TNFRSF10D: variants seen among roughly 807,000 people sequenced by gnomAD.
TNFRSF10D encodes the protein TNF receptor superfamily member 10d, also known as tumor necrosis factor receptor superfamily member 10D.
In TNFRSF10D, 28 loss-of-function variants were observed where a neutral mutation model predicts 42.1. The observed-to-expected ratio is 0.66, with a 90% CI of 0.49 to 0.91. The LOEUF (loss-of-function observed/expected upper bound fraction) is 0.91. Among genes scored for constraint, TNFRSF10D ranks in the 40% least tolerant of loss-of-function variants. The probability of loss-of-function intolerance (pLI) is 0.00; values close to 1 mark genes in which losing one functional copy is unlikely to be tolerated. For synonymous variants in TNFRSF10D, 186 were observed against 189.4 expected (o/e 0.98, Z 0.15); for missense variants, 503 against 486.1 (o/e 1.03, Z -0.33).
At chr8:23,140,220 T>C (rs560661068) in intron 7 of TNFRSF10D, among the ~76,000 whole-genome samples, 1,611 of 151,362 alleles carry the variant, frequency 0.011, 16 homozygotes, top group African/African-American at 0.032. Flanking sequence ...ACCTGGGAGG[T>C]GGAGCTTGCA....
Position 23,144,606 on chromosome 8 carries a change from T to G in TNFRSF10D, c.798A>C (p.Ser266=), listed in dbSNP as rs1174403808. 6.2e-7 allele frequency: 1 copy of G among 1,613,894 alleles called. No individual in the cohort carries two copies. The highest frequency in any genetic ancestry group is 1.1e-5 in the South Asian group (1 of 91,068). Residue 266 remains serine (S), a synonymous_variant, in exon 7 of 9, where the codon TCA becomes TCC. Coordinates refer to ENST00000312584, the MANE Select transcript of TNFRSF10D (RefSeq NM_003840.5). ...CATTGTCCTCCGCCCCAGGAACTCGTGAAGGACATGAACGCCGCCGGAAAA... is the reference window on the plus strand; with the variant it reads ...CATTGTCCTCCGCCCCAGGAACTCGGGAAGGACATGAACGCCGCCGGAAAA... ...RVLFRRRSCP[S]RVPGAEDNAR... is the part of the protein sequence containing the mutation.
chr8:23,140,237 T>C (rs1018782307), intron 7 of TNFRSF10D, among the ~76,000 whole-genome samples: 16 of 151,610 alleles, frequency 1.1e-4, no homozygotes, highest in East Asian at 5.8e-4. Context: ...TGCAGTGAGC[T>C]GAGATCGCGC....
chr8:23,152,782 G>A (rs1401611107), intron 2 of TNFRSF10D, among the ~76,000 whole-genome samples: 925 of 152,166 alleles, frequency 6.1e-3, no homozygotes, highest in African/African-American at 0.019. Context: ...TTGCTTAATT[G>A]TTCATATGAC....
chr8:23,147,077 C>A lies in TNFRSF10D; in HGVS notation c.371-5G>T. The A allele has an allele frequency of 6.2e-7, 1 of 1,611,670 alleles. No individual in the cohort carries two copies. The highest frequency in any genetic ancestry group is 8.5e-7 in the Non-Finnish European group (1 of 1,177,914). ...AGGAACTTTTATTTGTTTGACCTGA[C>A]AACAGAGCATAAGGTTTTGAGAATG... is the stretch of plus-strand genomic sequence containing the variant. On this transcript the variant is annotated splice_polypyrimidine_tract_variant and splice_region_variant and intron_variant, in intron 3 of 8. Coordinates refer to ENST00000312584, the MANE Select transcript of TNFRSF10D (RefSeq NM_003840.5).
rs1251511565 is a variant in TNFRSF10D, at chr8:23,145,674, A to C, written c.730T>G (p.Cys244Gly). ...KKFISYLKGI[C>G]SGGGGGPERV... The stretch of plus-strand genomic sequence containing the variant: ...ACCCTCAGCCAGCACCTACCTGAGC[A>C]GATGCCTTTGAGGTAAGAAATGAAT... The change falls in exon 5 of 9, where the codon TGC (cysteine) becomes GGC (glycine). Residue 244 changes from cysteine (C) to glycine (G), a missense_variant. Cys to Gly is a radical substitution (Grantham distance 159, BLOSUM62 -3). Coordinates refer to ENST00000312584, the MANE Select transcript of TNFRSF10D (RefSeq NM_003840.5). The C allele has an allele frequency of 6.2e-7, 1 of 1,613,990 alleles. No homozygotes were observed. The highest frequency in any genetic ancestry group is 1.3e-5 in the African/African-American group (1 of 74,942).
Position 23,137,928 on chromosome 8 carries a change from C to T in TNFRSF10D, c.1103G>A (p.Gly368Asp). Reference protein sequence around the residue: ...AKETIQDQLVGSEKLFYEEDE... With the variant: ...AKETIQDQLVDSEKLFYEEDE... ...TTCTTCATAAAAGAGCTTTTCGGAG[C>T]CCACCAGTTGGTCCTGAATTGTTTC... Residue 368 changes from glycine (G) to aspartate (D), a missense_variant, in exon 9 of 9, where the codon GGC (glycine) becomes GAC (aspartate). By Grantham distance (94) the Gly-to-Asp change is moderately conservative (BLOSUM62 -1). Transcript: ENST00000312584. 1 of 1,614,186 alleles carries T rather than the reference C, an allele frequency of 6.2e-7. No individual in the cohort carries two copies.
At chr8:23,162,261 C>A (rs1563364735) in intron 1 of TNFRSF10D, among the ~76,000 whole-genome samples, 1 of 152,196 alleles carries the variant, frequency 6.6e-6, no homozygotes, top group Non-Finnish European at 1.5e-5. Context: ...ATTCCCAAAA[C>A]TGTGAAATTC....
chr8:23,154,834 T>A (rs1345622367), intron 2 of TNFRSF10D, 40 bp downstream of exon 2: 3 of 1,556,438 alleles, frequency 1.9e-6, no homozygotes, highest in Non-Finnish European at 2.6e-6. Flanking sequence ...TGTTTATCTG[T>A]CAACTAAAAA....
At chr8:23,147,914 A>AT (rs1280636305) in intron 3 of TNFRSF10D, among the ~76,000 whole-genome samples, 2 of 151,740 alleles carry the variant, frequency 1.3e-5, no homozygotes, top group African/African-American at 4.8e-5. Flanking sequence ...TACAAAAAAA[A>AT]ATTAGCCGGG....
In TNFRSF10D at chr8:23,145,682, T is replaced by G. The variant is rs756930266; in HGVS notation, c.722A>C (p.Lys241Thr). The part of the protein sequence containing the change: ...SCRKKFISYL[K>T]GICSGGGGGP... ...CCAGCACCTACCTGAGCAGATGCCT[T>G]TGAGGTAAGAAATGAATTTCTTCCG... Residue 241 changes from lysine (K) to threonine (T), a missense_variant, in exon 5 of 9, where the codon AAA becomes ACA. Transcript: ENST00000312584. The G allele has an allele frequency of 6.2e-7, 1 of 1,614,058 alleles. No homozygotes were observed. Among genetic ancestry groups the G allele is most frequent in the South Asian group, 1.1e-5 (1 of 91,084 alleles).
chr8:23,149,766 C>A (rs138048365), intron 2 of TNFRSF10D, among the ~76,000 whole-genome samples: 1 of 152,024 alleles, frequency 6.6e-6, no homozygotes. Context: ...CTATCCCTGT[C>A]CAGCTTTGGA....
chr8:23,154,501 A>G (rs1055821481), intron 2 of TNFRSF10D, among the ~76,000 whole-genome samples: 2 of 152,356 alleles, frequency 1.3e-5, no homozygotes, highest in Middle Eastern at 3.4e-3. Flanking sequence ...TGCTATGTAA[A>G]TAAGTGCTTT....
chr8:23,139,122 G>C (rs891804898), intron 7 of TNFRSF10D, among the ~76,000 whole-genome samples: 75 of 152,280 alleles, frequency 4.9e-4, no homozygotes, highest in African/African-American at 1.7e-3. Context: ...TATGTCTGGA[G>C]GAATGTTAAA....
chr8:23,142,346 T>C (rs1486432827), intron 7 of TNFRSF10D, among the ~76,000 whole-genome samples: 3 of 151,868 alleles, frequency 2.0e-5, no homozygotes, highest in African/African-American at 7.2e-5. Context: ...GGAATCAACC[T>C]AGGTTCCCAT....
Position 23,138,146 on chromosome 8 carries a change from T to A in TNFRSF10D, c.1027+42A>T, listed in dbSNP as rs569263325. On this transcript the variant is annotated intron_variant, in intron 8 of 8. Transcript: ENST00000312584. ...GACAGCAGTTAGGACACCGTCCCTA[T>A]TCCCTGTCCTCCTGCTGCGTCTCAA... The A allele has an allele frequency of 8.9e-5, 144 of 1,613,586 alleles. 1 individual carries two copies. The South Asian group carries it at 1.3e-3, about 15-fold the overall frequency.
rs765955140 is a variant in TNFRSF10D at position 23,163,835 on chromosome 8, T to C, written c.101A>G (p.Asp34Gly). The C allele has an allele frequency of 5.3e-4, 854 of 1,606,148 alleles. No homozygotes were observed. In the African/African-American group the frequency reaches 9.6e-3, roughly 18 times the overall value. ...TASGTRPWLL[D>G]PKILKFVVFI... ...GACGACGAACTTAAGGATCTTGGGG[T>C]CCAGGAGCCATGGTCTGGTTCCCGA... The change falls in exon 1 of 9, where the codon GAC becomes GGC. Residue 34 changes from aspartate to glycine, a missense_variant. Transcript: ENST00000312584.
intron 1 of TNFRSF10D, among the ~76,000 whole-genome samples, chr8:23,157,820 A>G (rs190538790): frequency 3.9e-5 from 6 of 152,350 alleles, no homozygotes; most frequent in African/African-American, 1.2e-4. Flanking sequence ...GCAGCTAGTC[A>G]GGTATGAGCA....
At position 23,163,941 on chromosome 8, in the gene TNFRSF10D, G is replaced by T; in HGVS notation, c.-6C>A. On this transcript the variant is annotated 5_prime_UTR_variant, in exon 1 of 9. Coordinates refer to ENST00000312584, the MANE Select transcript of TNFRSF10D (RefSeq NM_003840.5). ...CTTTGTCCCCAAAGTCCCATGAGAAGGGAGGAGGGTGGATCGAAAGCGCCA... is the reference window on the plus strand; with the variant it reads ...CTTTGTCCCCAAAGTCCCATGAGAATGGAGGAGGGTGGATCGAAAGCGCCA... 1 of 1,561,510 alleles carries T rather than the reference G, an allele frequency of 6.4e-7. No homozygotes were observed. Among genetic ancestry groups the T allele is most frequent in the Non-Finnish European group, 8.6e-7 (1 of 1,159,848 alleles).
intron 7 of TNFRSF10D, among the ~76,000 whole-genome samples, chr8:23,140,835 TG>T (rs903411125): frequency 3.9e-5 from 6 of 152,332 alleles, no homozygotes; most frequent in African/African-American, 1.4e-4. Flanking sequence ...CCCAGCCATG[TG>T]GAACTGTGAG....
Sources: gnomAD v4.1 joint callset for allele counts (sites outside exome capture counted in the v4.1 genomes callset) on GRCh38, gnomAD v4.1.1 for gene constraint, MANE v1.5 for transcripts, NCBI Gene and HGNC (gene_info 2026-07-23, HGNC 2026-07-21) for gene names.